Variants in SCHIP1 observed in about 807,000 individuals in gnomAD.
SCHIP1 encodes the protein schwannomin interacting protein 1.
SCHIP1 carries 8 observed loss-of-function variants against 29.7 expected under a neutral mutation model. That is an observed-to-expected ratio of 0.27 (90% CI 0.16 to 0.49). The LOEUF (loss-of-function observed/expected upper bound fraction) is 0.49, where lower values mean the gene tolerates loss of function less well. SCHIP1 is among the 20% of genes least tolerant of loss of function. The pLI, the probability that SCHIP1 is intolerant of heterozygous loss-of-function variation, is 0.99. For missense variants in SCHIP1, 193 were observed against 294.6 expected (o/e 0.66, Z 2.52); for synonymous variants, 76 against 94.9 (o/e 0.80, Z 1.16).
At chr3:159,558,674 C>T in the SCHIP1 span, among the ~76,000 whole-genome samples, 10 of 152,328 alleles carry the variant, frequency 6.6e-5, no homozygotes, top group African/African-American at 2.4e-4. Context: ...TTTGCTCACA[C>T]CAGAGTCTCA....
chr3:159,754,661 C>T, the SCHIP1 span, among the ~76,000 whole-genome samples: 380 of 152,266 alleles, frequency 2.5e-3, 3 homozygotes, highest in African/African-American at 8.8e-3. Flanking sequence ...AACTAGGACA[C>T]TTTTGAGAGT....
At chr3:159,648,083 G>A in the SCHIP1 span, among the ~76,000 whole-genome samples, 32 of 152,256 alleles carry the variant, frequency 2.1e-4, 1 homozygote, top group African/African-American at 7.5e-4. Context: ...GAGGAAGGAG[G>A]CTGCAAGAGC....
the SCHIP1 span, among the ~76,000 whole-genome samples, chr3:159,760,817 T>C: frequency 1.3e-5 from 2 of 152,270 alleles, no homozygotes; most frequent in African/African-American, 4.8e-5. Flanking sequence ...TATGAAACTT[T>C]CTTTCCCTTG....
At chr3:159,589,935 G>T in the SCHIP1 span, among the ~76,000 whole-genome samples, 2 of 152,166 alleles carry the variant, frequency 1.3e-5, no homozygotes, top group Non-Finnish European at 2.9e-5. Context: ...AAAAGTATGA[G>T]CAAGTGAGAG....
chr3:159,777,017 A>G, the SCHIP1 span, among the ~76,000 whole-genome samples: 1 of 152,214 alleles, frequency 6.6e-6, no homozygotes, highest in African/African-American at 2.4e-5. Context: ...ACTTCGTGCC[A>G]TGCCAGAACA....
At chr3:159,503,278 T>C in the SCHIP1 span, among the ~76,000 whole-genome samples, 1 of 152,214 alleles carries the variant, frequency 6.6e-6, no homozygotes, top group African/African-American at 2.4e-5. Context: ...CTTTTCCTTT[T>C]CTTTGACCAA....
At chr3:159,774,419 T>G in the SCHIP1 span, among the ~76,000 whole-genome samples, 8 of 152,226 alleles carry the variant, frequency 5.3e-5, no homozygotes, top group African/African-American at 1.9e-4. Context: ...TTTATATATA[T>G]CTGTTAAATA....
intron 1 of SCHIP1, among the ~76,000 whole-genome samples, chr3:159,853,735 C>T (rs891747834): frequency 2.0e-5 from 3 of 152,094 alleles, no homozygotes; most frequent in Non-Finnish European, 4.4e-5. Context: ...GCTAGGCAGG[C>T]TTTTTATGTG....
the SCHIP1 span, among the ~76,000 whole-genome samples, chr3:159,502,566 A>C: frequency 6.6e-6 from 1 of 152,130 alleles, no homozygotes; most frequent in Non-Finnish European, 1.5e-5. Flanking sequence ...ATATGTATAC[A>C]TGTGCCATGT....
chr3:159,785,930 A>G, the SCHIP1 span, among the ~76,000 whole-genome samples: 1 of 152,128 alleles, frequency 6.6e-6, no homozygotes, highest in South Asian at 2.1e-4. Flanking sequence ...GGACATGAAT[A>G]TATGTTTGGG....
the SCHIP1 span, among the ~76,000 whole-genome samples, chr3:159,382,735 T>C: frequency 1.3e-5 from 2 of 152,094 alleles, no homozygotes; most frequent in African/African-American, 4.8e-5. Context: ...AGTGTAAAAG[T>C]GTTCCTATTT....
At chr3:159,559,711 CAG>C in the SCHIP1 span, among the ~76,000 whole-genome samples, 14 of 152,130 alleles carry the variant, frequency 9.2e-5, no homozygotes, top group Admixed American at 9.2e-4. Context: ...ATCATATTCC[CAG>C]AGAGTTCCCT....
chr3:159,867,995 C>CAATGATTTATATATATATATATAAATA, intron 2 of SCHIP1, among the ~76,000 whole-genome samples: 1 of 142,260 alleles, frequency 7.0e-6, no homozygotes. Context: ...ATATATAAAT[C>CAATGATTTATATATATATATATAAATA]AATGATTTAT....
the SCHIP1 span, among the ~76,000 whole-genome samples, chr3:159,491,212 C>A: frequency 6.6e-6 from 1 of 152,188 alleles, no homozygotes; most frequent in Non-Finnish European, 1.5e-5. Flanking sequence ...GCATTTCCAA[C>A]TGAGGTACCA....
the SCHIP1 span, among the ~76,000 whole-genome samples, chr3:159,513,607 C>G: frequency 6.6e-6 from 1 of 152,102 alleles, no homozygotes; most frequent in Non-Finnish European, 1.5e-5. Flanking sequence ...TCCTCCAGCC[C>G]GGCTGCCACT....
the SCHIP1 span, among the ~76,000 whole-genome samples, chr3:159,666,215 A>C: frequency 6.6e-6 from 1 of 152,204 alleles, no homozygotes; most frequent in East Asian, 1.9e-4. Flanking sequence ...GCAACTCCAT[A>C]GATTGCAAAG....
chr3:159,374,519 G>A, the SCHIP1 span, among the ~76,000 whole-genome samples: 53,746 of 151,842 alleles, frequency 0.35, 10,990 homozygotes, highest in East Asian at 0.47. Flanking sequence ...CGAAGAAGCA[G>A]GCAGAAGCAC....
chr3:159,657,675 TAA>T, the SCHIP1 span, among the ~76,000 whole-genome samples: 1 of 152,216 alleles, frequency 6.6e-6, no homozygotes, highest in South Asian at 2.1e-4. Context: ...CAGTGGGGAT[TAA>T]AAGAGATGTT....
the SCHIP1 span, chr3:159,764,757 C>G: frequency 6.4e-7 from 1 of 1,571,800 alleles, no homozygotes; most frequent in South Asian, 1.2e-5. This position sits in a 1 kb window ranked among gnomAD's most constrained non-coding sequence, Gnocchi z 6.1. Context: ...GGGACGTAAG[C>G]GCCAGGACCC....
Sources: gnomAD v4.1 joint callset for allele counts (sites outside exome capture counted in the v4.1 genomes callset) on GRCh38, gnomAD v4.1.1 for gene constraint, Gnocchi (gnomAD v3.1) non-coding constraint, MANE v1.5 for transcripts, NCBI Gene and HGNC (gene_info 2026-07-23, HGNC 2026-07-21) for gene names.